CTTN: variants seen among roughly 807,000 people sequenced by gnomAD.
The protein encoded by CTTN is src substrate cortactin.
CTTN carries 28 observed loss-of-function variants against 84.0 expected under a neutral mutation model. The ratio of observed to expected loss-of-function variants is 0.33; its 90% CI spans 0.25 to 0.46. The LOEUF is 0.46. Among genes scored for constraint, CTTN ranks in the 20% least tolerant of loss-of-function variants. CTTN has a pLI of 1.00. For synonymous variants in CTTN, 301 were observed against 288.8 expected (o/e 1.04, Z -0.43); for missense variants, 641 against 723.8 (o/e 0.89, Z 1.31).
intron 10 of CTTN, 152 bp downstream of exon 10, chr11:70,420,662 C>T: frequency 4.5e-6 from 3 of 664,954 alleles, no homozygotes; most frequent in Non-Finnish European, 5.5e-6. Flanking sequence ...CCCAATCCCC[C>T]AGTTCCCTCC....
chr11:70,427,432 G>A (rs2058311472), intron 13 of CTTN, among the ~76,000 whole-genome samples: 1 of 152,216 alleles, frequency 6.6e-6, no homozygotes. Context: ...GACCGGCATT[G>A]TTTTGTTTTG....
rs918060002 is a variant in CTTN, at chr11:70,405,255, C to A, written c.-97-10C>A. Reference sequence around the variant, plus strand: ...TCCTTCTCAGCTTTTTACCCTTAATCTTTTTACAGACGGAATCAGTCCCCA... The same window carrying A: ...TCCTTCTCAGCTTTTTACCCTTAATATTTTTACAGACGGAATCAGTCCCCA... On this transcript the variant is annotated splice_polypyrimidine_tract_variant and intron_variant, in intron 1 of 17. Transcript: ENST00000301843. 1.3e-5 allele frequency: 2 copies of A among 152,164 alleles called. No homozygotes were observed. The highest frequency in any genetic ancestry group is 4.8e-5 in the African/African-American group (2 of 41,442). The allele number at this position is 152,164 out of a possible 1,614,324, so 9.4% of individuals were successfully genotyped here. A position where few individuals can be genotyped will look rare whatever the true frequency, so the allele number is the denominator to read the frequency against.
At position 70,435,494 on chromosome 11, in the gene CTTN, C is replaced by T. The variant is rs907533003; in HGVS notation, c.*332C>T. On this transcript the variant is annotated 3_prime_UTR_variant, in exon 18 of 18. Transcript: ENST00000301843. ...CAGGGAGCTCGCATTCTCTTGTGTT[C>T]GTGTTGCCCTCGTGCCCATCAAGTG... 8.4e-6 allele frequency: 13 copies of T among 1,554,958 alleles called. No individual in the cohort carries two copies. The highest frequency in any genetic ancestry group is 2.3e-5 in the East Asian group (1 of 42,556).
chr11:70,401,805 G>A (rs1420787313), intron 1 of CTTN, among the ~76,000 whole-genome samples: 3 of 151,006 alleles, frequency 2.0e-5, no homozygotes, highest in Non-Finnish European at 4.4e-5. Flanking sequence ...CTGCACTCTA[G>A]CCTGGGCCAC....
rs139067402 is a variant in CTTN at position 70,417,019 on chromosome 11, C to A, written c.464C>A (p.Ser155Tyr). The A allele has an allele frequency of 4.3e-6, 7 of 1,613,966 alleles. No individual in the cohort carries two copies. The highest frequency in any genetic ancestry group is 1.7e-5 in the Admixed American group (1 of 60,030). ...TEKHASQKDYSSGFGGKYGVQ... is the reference protein window; with the variant it reads ...TEKHASQKDYYSGFGGKYGVQ... ...TGCTGCCCTGTCTCTCCAGACTACT[C>A]CAGTGGTTTTGGCGGCAAGTATGGC... The change falls in exon 8 of 18, where the codon TCC (serine) becomes TAC (tyrosine). Residue 155 changes from serine to tyrosine, a missense_variant. Transcript: ENST00000301843.
At chr11:70,429,338 C>T in intron 14 of CTTN, 139 bp downstream of exon 14, 1 of 933,318 alleles carries the variant, frequency 1.1e-6, no homozygotes, top group Non-Finnish European at 1.6e-6. Flanking sequence ...TCCTTTAAGG[C>T]TCTCCATTAA....
chr11:70,433,779 G>C, intron 17 of CTTN, 61 bp downstream of exon 17: 1 of 1,037,640 alleles, frequency 9.6e-7, no homozygotes, highest in Non-Finnish European at 1.5e-6. Flanking sequence ...GCCTCTGCTT[G>C]TTTTCTGAGA....
chr11:70,421,954 G>C (rs2058241518), intron 11 of CTTN: 1 of 235,656 alleles, frequency 4.2e-6, no homozygotes. Flanking sequence ...AGGCCTTCCA[G>C]ATGAGGAGAG....
rs185516508 is a variant in CTTN at position 70,429,420 on chromosome 11, A to G, written c.1176+221A>G. On this transcript the variant is annotated intron_variant, in intron 14 of 17. Transcript: ENST00000301843. ...ATGCTCCAGGCAGCCGGCTAGCGCT[A>G]TCCTGGTCTTGCCGGTCCAGCCCCA... 3.7e-4 allele frequency among the ~76,000 whole-genome samples: 56 copies of G among 152,278 alleles called. 1 individual carries two copies. In the East Asian group the frequency reaches 9.5e-3, roughly 26 times the overall value.
chr11:70,436,436 T>C lies in CTTN; in HGVS notation c.*1274T>C. The C allele has an allele frequency of 2.5e-6, 4 of 1,592,382 alleles. No individual in the cohort carries two copies. The highest frequency in any genetic ancestry group is 3.4e-6 in the Non-Finnish European group (4 of 1,175,312). On this transcript the variant is annotated 3_prime_UTR_variant, in exon 18 of 18. Transcript: ENST00000301843. The stretch of plus-strand genomic sequence containing the variant: ...CGTGTTTTTGCTCCTGAGGTGCATT[T>C]TCTCATCATCCTTGCTTTACCACAA...
In CTTN at chr11:70,414,606, G is replaced by A. The variant is rs146211729; in HGVS notation, c.356G>A (p.Arg119His). 33 of 1,614,068 alleles carry A rather than the reference G, an allele frequency of 2.0e-5. No individual in the cohort carries two copies. Among genetic ancestry groups the A allele is most frequent in the African/African-American group, 2.7e-5 (2 of 74,942 alleles). ...SKHCSQVDSV[R>H]GFGGKFGVQM... ...CACTGCTCGCAGGTGGACTCGGTCC[G>A]TGGCTTCGGAGGCAAGTTTGGTGTC... is the stretch of plus-strand genomic sequence containing the variant. The change falls in exon 6 of 18, where the codon CGT becomes CAT. Residue 119 changes from arginine to histidine, a missense_variant. Physicochemically the swap from Arg to His is conservative, Grantham distance 29. Transcript: ENST00000301843.
chr11:70,405,696 G>C (rs2058034323), intron 2 of CTTN, among the ~76,000 whole-genome samples: 1 of 152,184 alleles, frequency 6.6e-6, no homozygotes, highest in South Asian at 2.1e-4. Context: ...CCCGCTCGCT[G>C]GTGAAGCTGT....
chr11:70,431,711 T>G (rs1297786823), intron 15 of CTTN, among the ~76,000 whole-genome samples: 1 of 152,088 alleles, frequency 6.6e-6, no homozygotes, highest in Non-Finnish European at 1.5e-5. Flanking sequence ...CCTGCCCCAT[T>G]CAGCTCTCCA....
intron 11 of CTTN, 109 bp downstream of exon 11, chr11:70,421,689 C>A: frequency 2.7e-6 from 2 of 744,958 alleles, no homozygotes; most frequent in South Asian, 1.6e-5. Flanking sequence ...CCTCCTGTGT[C>A]ACCACTTGTC....
chr11:70,408,565 G>A (rs917391195), intron 4 of CTTN, among the ~76,000 whole-genome samples: 1 of 152,094 alleles, frequency 6.6e-6, no homozygotes, highest in Non-Finnish European at 1.5e-5. Context: ...GGCTAGCTAA[G>A]TGCTTTTATT....
rs561838599 is a variant in CTTN, at chr11:70,418,859, C to T, written c.569-887C>T. Among the ~76,000 whole-genome samples, 125 of 151,566 alleles carry T rather than the reference C, an allele frequency of 8.2e-4. 1 individual carries two copies. In the South Asian group the frequency reaches 0.015, roughly 18 times the overall value. ...TGGTGCGATCTCAGCTCAGTGCAAC[C>T]TCCTCCTTCCGGGTTCAAACAATTC... On this transcript the variant is annotated intron_variant, in intron 8 of 17. Transcript: ENST00000301843.
In CTTN at chr11:70,406,539, T is replaced by G. The variant is rs34239671; in HGVS notation, c.1-759T>G. ...ATAGTTTGAAAAAAAAAAAAAAACC[T>G]TAAAATTTTATATTTTACCACTGCA... On this transcript the variant is annotated intron_variant, in intron 2 of 17. Transcript: ENST00000301843. 5.1e-3 allele frequency among the ~76,000 whole-genome samples: 777 copies of G among 151,660 alleles called. 4 individuals carry two copies. The highest frequency in any genetic ancestry group is 9.5e-3 in the Non-Finnish European group (647 of 67,814).
At chr11:70,427,641 C>T (rs919799220) in intron 13 of CTTN, among the ~76,000 whole-genome samples, 11 of 152,244 alleles carry the variant, frequency 7.2e-5, no homozygotes, top group African/African-American at 1.9e-4. Context: ...TCCTGCAGGC[C>T]GGCTCCTCTG....
chr11:70,422,998 A>G lies in CTTN; in HGVS notation c.957+3A>G. 1.9e-6 allele frequency: 3 copies of G among 1,613,628 alleles called. No homozygotes were observed. The highest frequency in any genetic ancestry group is 2.5e-6 in the Non-Finnish European group (3 of 1,179,892). ...TGCAGAAGGATCGGATGGATAAGGT[A>G]AATATTCCAGCCCCGGAGCTTAGTG... On this transcript the variant is annotated splice_donor_region_variant and intron_variant, in intron 12 of 17. Transcript: ENST00000301843.
Sources: allele counts gnomAD v4.1 joint callset (sites outside exome capture counted in the v4.1 genomes callset), GRCh38; gene constraint gnomAD v4.1.1; transcripts MANE v1.5; gene names NCBI Gene and HGNC (gene_info 2026-07-23, HGNC 2026-07-21).